The following VAV2 variants were observed in gnomAD, a reference collection of about 807,000 sequenced individuals.
VAV2 encodes the protein guanine nucleotide exchange factor VAV2.
VAV2 carries 67 observed loss-of-function variants against 132.5 expected under a neutral mutation model. The ratio of observed to expected loss-of-function variants is 0.51; its 90% CI spans 0.42 to 0.62. The LOEUF (loss-of-function observed/expected upper bound fraction) is 0.62. Ranked by LOEUF, VAV2 falls within the 20% of genes least tolerant of loss-of-function variation. The probability of loss-of-function intolerance (pLI) is 0.00; values close to 1 mark genes in which losing one functional copy is unlikely to be tolerated. For synonymous variants in VAV2, 492 were observed against 443.5 expected (o/e 1.11, Z -1.37); for missense variants, 938 against 1,153.6 (o/e 0.81, Z 2.71).
rs1034944108 is a variant in VAV2, at chr9:133,969,063, T to G, written c.204+23012A>C. 4.3e-4 allele frequency among the ~76,000 whole-genome samples: 65 copies of G among 152,220 alleles called. No homozygotes were observed. Among genetic ancestry groups the G allele is most frequent in the African/African-American group, 1.5e-3 (62 of 41,546 alleles). On this transcript the variant is annotated intron_variant, in intron 1 of 29. Transcript: ENST00000371850. The surrounding 1 kb of genome is among the most constrained non-coding windows in gnomAD (Gnocchi z 5.1). ...CAACTGTTTTGGGTTTTGAGGCAGT[T>G]TGGCCGGGTGTCGGTGAAAGCCGTC...
chr9:133,947,856 C>T (rs1841419456), intron 1 of VAV2, among the ~76,000 whole-genome samples: 1 of 151,714 alleles, frequency 6.6e-6, no homozygotes, highest in African/African-American at 2.4e-5. Flanking sequence ...GTGGCGTGAT[C>T]TCGGCTCACT....
chr9:133,944,854 G>T (rs1033451906), intron 1 of VAV2, among the ~76,000 whole-genome samples: 4 of 152,208 alleles, frequency 2.6e-5, no homozygotes, highest in Non-Finnish European at 5.9e-5. Context: ...GGTGACCCTC[G>T]CTGCTCCCTC....
chr9:133,780,060 G>A, intron 20 of VAV2, 121 bp from the exon 21 acceptor site: 1 of 1,368,500 alleles, frequency 7.3e-7, no homozygotes, highest in Non-Finnish European at 1.0e-6. Flanking sequence ...GTCAAGGCAG[G>A]AGCAGGGGAG....
intron 23 of VAV2, among the ~76,000 whole-genome samples, chr9:133,776,753 C>T (rs1408474979): frequency 2.0e-5 from 3 of 152,190 alleles, no homozygotes; most frequent in East Asian, 1.9e-4. Context: ...AGCACACAGG[C>T]GGACGGGACT....
At position 133,762,526 on chromosome 9, in the gene VAV2, T is replaced by G. The variant is rs991578076; in HGVS notation, c.*1536A>C. On this transcript the variant is annotated 3_prime_UTR_variant, in exon 30 of 30. Transcript: ENST00000371850. This position sits in a 1 kb window ranked among gnomAD's most constrained non-coding sequence, Gnocchi z 5.0. The stretch of plus-strand genomic sequence containing the variant: ...TCCTCCGCGCCTGCTGGGCCGCAGG[T>G]CGCAAAGTGCTGGGTGTACCCCGAC... 3 of 152,244 alleles carry G rather than the reference T, an allele frequency of 2.0e-5. No individual in the cohort carries two copies. The highest frequency in any genetic ancestry group is 4.4e-5 in the Non-Finnish European group (3 of 68,114). 9.4% of individuals were successfully genotyped at this position (152,244 alleles called of 1,614,324 possible). A position where few individuals can be genotyped will look rare whatever the true frequency, so the allele number is the denominator to read the frequency against.
intron 1 of VAV2, among the ~76,000 whole-genome samples, chr9:133,946,233 G>A (rs934724335): frequency 6.6e-6 from 1 of 152,194 alleles, no homozygotes; most frequent in Non-Finnish European, 1.5e-5. Context: ...CAGCTGCCAG[G>A]GACTGGGGGA....
At chr9:133,901,898 A>T (rs895153290) in intron 2 of VAV2, among the ~76,000 whole-genome samples, 3 of 152,126 alleles carry the variant, frequency 2.0e-5, no homozygotes, top group African/African-American at 7.2e-5. Context: ...GGTGGGGAGG[A>T]CAGCTGCGCT....
At chr9:133,780,801 C>A in intron 19 of VAV2, 91 bp from the exon 20 acceptor site, 6 of 1,239,436 alleles carry the variant, frequency 4.8e-6, no homozygotes, top group Non-Finnish European at 6.1e-6. Context: ...AGCCTCTGGG[C>A]CGAGCTTAAG....
chr9:133,942,647 C>T (rs537218347), intron 1 of VAV2, among the ~76,000 whole-genome samples: 23 of 152,390 alleles, frequency 1.5e-4, no homozygotes, highest in Non-Finnish European at 2.2e-4. Flanking sequence ...GTTAATTACA[C>T]AGATCCCAAC....
chr9:133,950,257 A>G (rs1298458730), intron 1 of VAV2, among the ~76,000 whole-genome samples: 1 of 152,214 alleles, frequency 6.6e-6, no homozygotes, highest in East Asian at 1.9e-4. Context: ...AGCAAGAAAA[A>G]TCAATTCTGG....
At chr9:133,946,259 A>G (rs1841356142) in intron 1 of VAV2, among the ~76,000 whole-genome samples, 1 of 152,198 alleles carries the variant, frequency 6.6e-6, no homozygotes, top group Admixed American at 6.5e-5. Context: ...ACAGGCCGAC[A>G]AGGGACTTCT....
At chr9:133,771,755 G>A (rs1351802674) in intron 26 of VAV2, among the ~76,000 whole-genome samples, 2 of 152,186 alleles carry the variant, frequency 1.3e-5, no homozygotes, top group African/African-American at 4.8e-5. Flanking sequence ...ACCTTGCTCA[G>A]GCTTTGGGGG....
chr9:133,860,861 AG>A (rs1837566906), intron 3 of VAV2, among the ~76,000 whole-genome samples: 1 of 152,154 alleles, frequency 6.6e-6, no homozygotes, highest in African/African-American at 2.4e-5. Context: ...GCCAGATCAC[AG>A]GGGTCATGGG....
rs5901029 is a variant in VAV2 at position 133,905,433 on chromosome 9, C to CAAAAAAAAAAAAA, written c.321+33657_321+33669dup. 7.1e-5 allele frequency among the ~76,000 whole-genome samples: 8 copies of CAAAAAAAAAAAAA among 113,250 alleles called. 1 individual carries two copies. The highest frequency in any genetic ancestry group is 2.7e-4 in the East Asian group (1 of 3,658). The allele number at this position is 113,250 out of a possible 152,430, so 74.3% of individuals were successfully genotyped here. A position where few individuals can be genotyped will look rare whatever the true frequency, so the allele number is the denominator to read the frequency against. The stretch of plus-strand genomic sequence containing the variant: ...CCTGGGTGACAGAGTGAAACTGTCT[C>CAAAAAAAAAAAAA]AAAAAAAAAAAAAAAAAGAAACAAA... On this transcript the variant is annotated intron_variant, in intron 2 of 29. Transcript: ENST00000371850.
chr9:133,849,180 C>T (rs1837071821), intron 3 of VAV2, among the ~76,000 whole-genome samples: 1 of 152,176 alleles, frequency 6.6e-6, no homozygotes, highest in African/African-American at 2.4e-5. Flanking sequence ...AATGAGCAGG[C>T]ACGGGACATT....
intron 1 of VAV2, among the ~76,000 whole-genome samples, chr9:133,950,941 G>T (rs1588159637): frequency 6.6e-6 from 1 of 152,128 alleles, no homozygotes; most frequent in Admixed American, 6.5e-5. Flanking sequence ...CCAAGCAGAG[G>T]GCGCGATTCT....
In VAV2 at chr9:133,935,227, A is replaced by G. The variant is rs745347829; in HGVS notation, c.321+3876T>C. Among the ~76,000 whole-genome samples the G allele has an allele frequency of 2.6e-5, 4 of 152,202 alleles. No individual in the cohort carries two copies. The highest frequency in any genetic ancestry group is 1.5e-5 in the Non-Finnish European group (1 of 68,040). On this transcript the variant is annotated intron_variant, in intron 2 of 29. Coordinates refer to ENST00000371850, the MANE Select transcript of VAV2 (RefSeq NM_001134398.2). This position sits in a 1 kb window ranked among gnomAD's most constrained non-coding sequence, Gnocchi z 5.2. ...TGGCCAGGGCGTCCCAACTGGGCTGAGCTCATGAATGACAAAAGATGAATC... is the reference window on the plus strand; with the variant it reads ...TGGCCAGGGCGTCCCAACTGGGCTGGGCTCATGAATGACAAAAGATGAATC...
intron 7 of VAV2, among the ~76,000 whole-genome samples, chr9:133,808,692 C>G (rs1835247161): frequency 6.6e-6 from 1 of 152,036 alleles, no homozygotes; most frequent in Admixed American, 6.5e-5. Flanking sequence ...TGTGGAGAGG[C>G]TGGGGAGCAG....
chr9:133,892,039 G>A (rs955936342), intron 2 of VAV2, among the ~76,000 whole-genome samples: 1 of 135,364 alleles, frequency 7.4e-6, no homozygotes, highest in African/African-American at 2.8e-5. Flanking sequence ...GGTGCCAGGG[G>A]TGTGGGGAGA....
Sources: allele counts gnomAD v4.1 joint callset (sites outside exome capture counted in the v4.1 genomes callset), GRCh38; gene constraint gnomAD v4.1.1; non-coding constraint Gnocchi (gnomAD v3.1); transcripts MANE v1.5; gene names NCBI Gene and HGNC (gene_info 2026-07-23, HGNC 2026-07-21).